Variants in COL5A3 observed in about 807,000 individuals in gnomAD.
COL5A3 encodes the protein collagen alpha-3(V) chain.
In COL5A3, 172 loss-of-function variants were observed where a neutral mutation model predicts 250.0. That is an observed-to-expected ratio of 0.69 (90% confidence interval 0.61 to 0.78). The LOEUF is 0.78. Ranked by LOEUF, COL5A3 falls within the 30% of genes least tolerant of loss-of-function variation. COL5A3 has a pLI of 0.00. For missense variants in COL5A3, 2,340 were observed against 2,334.4 expected, an observed-to-expected ratio of 1.00 and a Z score of -0.05; for synonymous variants, 937 against 900.4, an observed-to-expected ratio of 1.04 and a Z score of -0.73.
intron 8 of COL5A3, among the ~76,000 whole-genome samples, chr19:9,998,966 G>A (rs991276065): frequency 1.3e-5 from 2 of 151,984 alleles, no homozygotes; most frequent in Non-Finnish European, 2.9e-5. Context: ...TTACAGGCGT[G>A]AGCCACCATG....
intron 32 of COL5A3, among the ~76,000 whole-genome samples, 159 bp from the exon 33 acceptor site, chr19:9,981,291 C>A (rs2087005283): frequency 6.6e-6 from 1 of 152,198 alleles, no homozygotes; most frequent in Non-Finnish European, 1.5e-5. Context: ...ACAACTTATA[C>A]TCAAAACCAC....
In COL5A3 at chr19:9,993,407, G is replaced by C. The variant is rs565950498; in HGVS notation, c.1722C>G (p.Pro574=). 7 of 1,614,124 alleles carry C rather than the reference G, an allele frequency of 4.3e-6. No homozygotes were observed. The South Asian group carries it at 5.5e-5, about 13-fold the overall frequency. The change falls in exon 19 of 67, where the codon CCC becomes CCG. Residue 574 remains proline, a synonymous_variant. Transcript: ENST00000264828. ...TCTCACCATCCTCTCCTGGGGGACCGGGTTGCCCCACATGGCCAAAGTCAC... is the reference window on the plus strand; with the variant it reads ...TCTCACCATCCTCTCCTGGGGGACCCGGTTGCCCCACATGGCCAAAGTCAC... ...QRGDFGHVGQ[P]GPPGEDGERG... is the part of the protein sequence containing the mutation.
At position 9,968,089 on chromosome 19, in the gene COL5A3, G is replaced by C; in HGVS notation, c.4315-10C>G. ...TGGGACCAGGGGGACCCTAGGAAAAGGACATCGGGTCAGTATTGGTGGGGT... is the reference window on the plus strand; with the variant it reads ...TGGGACCAGGGGGACCCTAGGAAAACGACATCGGGTCAGTATTGGTGGGGT... On this transcript the variant is annotated splice_polypyrimidine_tract_variant and intron_variant, in intron 59 of 66. Transcript: ENST00000264828. The surrounding 1 kb of genome is among the most constrained non-coding windows in gnomAD (Gnocchi z 4.1). 1 of 1,586,740 alleles carries C rather than the reference G, an allele frequency of 6.3e-7. No individual in the cohort carries two copies. The highest frequency in any genetic ancestry group is 8.5e-7 in the Non-Finnish European group (1 of 1,172,838).
chr19:9,994,997 T>A (rs111676221), intron 16 of COL5A3, among the ~76,000 whole-genome samples: 10 of 152,218 alleles, frequency 6.6e-5, no homozygotes, highest in African/African-American at 2.4e-4. Flanking sequence ...AACCTCTGCT[T>A]CCTGGATTCA....
rs2086779182 is a variant in COL5A3 at position 9,968,076 on chromosome 19, G to A, written c.4318C>T (p.Pro1440Ser). 7 of 1,588,064 alleles carry A rather than the reference G, an allele frequency of 4.4e-6. No individual in the cohort carries two copies. Among genetic ancestry groups the A allele is most frequent in the Admixed American group, 2.0e-5 (1 of 50,798 alleles). The change falls in exon 60 of 67, where the codon CCC becomes TCC. Residue 1440 changes from proline (P) to serine (S), a missense_variant. By Grantham distance (74) the Pro-to-Ser change is moderately conservative (BLOSUM62 -1). Coordinates refer to ENST00000264828, the MANE Select transcript of COL5A3 (RefSeq NM_015719.4). This position sits in a 1 kb window ranked among gnomAD's most constrained non-coding sequence, Gnocchi z 4.1. The stretch of plus-strand genomic sequence containing the variant: ...CCCAGAGAGCCAATGGGACCAGGGG[G>A]ACCCTAGGAAAAGGACATCGGGTCA... ...GPPGPKGDPG[P>S]PGPIGSLGHP...
chr19:9,976,490 T>A, intron 45 of COL5A3, 68 bp downstream of exon 45: 2 of 1,217,160 alleles, frequency 1.6e-6, no homozygotes, highest in Non-Finnish European at 2.3e-6. Flanking sequence ...GTGCTTCCAC[T>A]GTCGTTTGCT....
chr19:9,982,130 G>A lies in COL5A3; in HGVS notation c.2407-12C>T. On this transcript the variant is annotated splice_polypyrimidine_tract_variant and intron_variant, in intron 31 of 66. Coordinates refer to ENST00000264828, the MANE Select transcript of COL5A3 (RefSeq NM_015719.4). Reference sequence around the variant, plus strand: ...AATCCAATAGATCCCTGAGTGGAGAGAATTAGAAAGAAGACATGAGGGTGA... The same window carrying A: ...AATCCAATAGATCCCTGAGTGGAGAAAATTAGAAAGAAGACATGAGGGTGA... 6.3e-7 allele frequency: 1 copy of A among 1,581,806 alleles called. No homozygotes were observed. Among genetic ancestry groups the A allele is most frequent in the African/African-American group, 1.4e-5 (1 of 73,872 alleles).
chr19:10,000,499 T>C (rs562159186), intron 8 of COL5A3, among the ~76,000 whole-genome samples: 2 of 132,966 alleles, frequency 1.5e-5, no homozygotes, highest in Non-Finnish European at 3.2e-5. Context: ...TGGGTCTCAC[T>C]GTTGCCCAGG....
At chr19:9,966,282 G>A (rs761689392) in intron 64 of COL5A3, 32 bp downstream of exon 64, 7 of 1,534,204 alleles carry the variant, frequency 4.6e-6, no homozygotes, top group Admixed American at 3.4e-5. Context: ...AGCACTTCCT[G>A]GGGGAGGCGA....
intron 24 of COL5A3, among the ~76,000 whole-genome samples, chr19:9,990,624 A>G (rs1042305743): frequency 1.1e-4 from 16 of 151,782 alleles, no homozygotes; most frequent in African/African-American, 3.9e-4. Context: ...GTGCAGTGGC[A>G]AGATCTCGGC....
At chr19:10,002,571 C>T (rs2087380614) in intron 6 of COL5A3, among the ~76,000 whole-genome samples, 1 of 151,860 alleles carries the variant, frequency 6.6e-6, no homozygotes, top group Admixed American at 6.6e-5. Flanking sequence ...ATGGCCTCAA[C>T]CTGTTACTGC....
At chr19:9,994,381 G>T (rs989957961) in intron 16 of COL5A3, among the ~76,000 whole-genome samples, 1 of 150,532 alleles carries the variant, frequency 6.6e-6, no homozygotes, top group Non-Finnish European at 1.5e-5. Flanking sequence ...ACCGGGTTTT[G>T]CCATGTTGCA....
intron 54 of COL5A3, among the ~76,000 whole-genome samples, chr19:9,970,317 G>A (rs1369779986): frequency 8.8e-6 from 1 of 113,968 alleles, no homozygotes; most frequent in African/African-American, 3.4e-5. Flanking sequence ...AGTGGAATCT[G>A]TGGGTGAGTG....
intron 8 of COL5A3, among the ~76,000 whole-genome samples, chr19:9,998,920 G>T (rs866098970): frequency 2.5e-4 from 38 of 151,972 alleles, no homozygotes; most frequent in Middle Eastern, 3.4e-3. Flanking sequence ...CCTGACTTAG[G>T]TGATCCACCC....
rs764000205 is a variant in COL5A3, at chr19:9,986,391, T to A, written c.2276A>T (p.Glu759Val). ...GKPGAPGPRGEDGPEGPKGQA... is the reference protein window; with the variant it reads ...GKPGAPGPRGVDGPEGPKGQA... ...CCCCTTCGGCCCCTCAGGACCATCC[T>A]CTCCCCGGGGACCTGGAGCTCCGGG... Residue 759 changes from glutamate to valine, a missense_variant, in exon 30 of 67, where the codon GAG (glutamate) becomes GTG (valine). By Grantham distance (121) the Glu-to-Val change is moderately radical. Coordinates refer to ENST00000264828, the MANE Select transcript of COL5A3 (RefSeq NM_015719.4). The A allele has an allele frequency of 1.2e-6, 2 of 1,611,346 alleles. No homozygotes were observed. Among genetic ancestry groups the A allele is most frequent in the Admixed American group, 1.7e-5 (1 of 59,938 alleles).
intron 11 of COL5A3, chr19:9,996,959 A>G (rs1292342871): frequency 3.9e-6 from 2 of 516,002 alleles, no homozygotes; most frequent in Non-Finnish European, 6.6e-6. Flanking sequence ...AGACAGAAAC[A>G]GAGAGACAGA....
At chr19:9,995,676 T>C in intron 15 of COL5A3, 59 bp from the exon 16 acceptor site, 4 of 1,354,538 alleles carry the variant, frequency 3.0e-6, no homozygotes, top group Middle Eastern at 1.9e-4. Context: ...GGACTTATTC[T>C]ATTGTATTAA....
intron 65 of COL5A3, among the ~76,000 whole-genome samples, chr19:9,961,589 T>C (rs796118408): frequency 1.3e-5 from 2 of 150,616 alleles, no homozygotes; most frequent in African/African-American, 4.9e-5. Flanking sequence ...GACGGAGTCT[T>C]GCTCTGTCGC....
chr19:9,982,163 G>A (rs1474928041), intron 31 of COL5A3, 45 bp from the exon 32 acceptor site: 7 of 1,402,228 alleles, frequency 5.0e-6, no homozygotes, highest in Non-Finnish European at 6.8e-6. Flanking sequence ...TGAGGAGTGA[G>A]TGGTGGGTGG....
Sources: gnomAD v4.1 joint callset for allele counts (sites outside exome capture counted in the v4.1 genomes callset) on GRCh38, gnomAD v4.1.1 for gene constraint, Gnocchi (gnomAD v3.1) non-coding constraint, MANE v1.5 for transcripts, NCBI Gene and HGNC (gene_info 2026-07-23, HGNC 2026-07-21) for gene names.